The following PLEC variants were observed in gnomAD, a reference collection of about 807,000 sequenced individuals.
The protein encoded by PLEC is hemidesmosomal protein 1.
A neutral mutation model predicts 392.8 loss-of-function variants in PLEC; 216 were observed. The ratio of observed to expected loss-of-function variants is 0.55; its 90% CI spans 0.49 to 0.62. The LOEUF (loss-of-function observed/expected upper bound fraction) is 0.62. PLEC is among the 20% of genes least tolerant of loss of function. The pLI is 0.00. For synonymous variants in PLEC, 3,621 were observed against 2,980.6 expected (o/e 1.21, Z -7.00); for missense variants, 6,863 against 6,563.4 (o/e 1.05, Z -1.58).
chr8:143,935,572 C>G (rs1292151739), intron 6 of PLEC, among the ~76,000 whole-genome samples: 1 of 152,230 alleles, frequency 6.6e-6, no homozygotes, highest in Admixed American at 6.5e-5. Flanking sequence ...CCACCCTCCC[C>G]ACCAGGCCCC....
chr8:143,962,692 T>C (rs145764691), intron 1 of PLEC, among the ~76,000 whole-genome samples: 11 of 152,334 alleles, frequency 7.2e-5, no homozygotes, highest in African/African-American at 1.9e-4. Context: ...GCTTCTCACA[T>C]TGAAGCGAAA....
At chr8:143,971,940 G>A (rs1554744446) in intron 1 of PLEC, among the ~76,000 whole-genome samples, 1 of 152,176 alleles carries the variant, frequency 6.6e-6, no homozygotes, top group African/African-American at 2.4e-5. Flanking sequence ...AACCTCCAGG[G>A]ATCTGTCTGG....
At chr8:143,941,376 C>T (rs1179998678), upstream of PLEC, among the ~76,000 whole-genome samples, 2 of 152,174 alleles carry the variant, frequency 1.3e-5, no homozygotes, top group Non-Finnish European at 2.9e-5. Flanking sequence ...CAGCCTTCTC[C>T]CTGCCACTAA....
rs1554724178 is a variant in PLEC, at chr8:143,937,203, T to C, written c.304A>G (p.Asn102Asp). The change falls in exon 4 of 32, where the codon AAT becomes GAT. Residue 102 changes from asparagine to aspartate, a missense_variant. Coordinates refer to ENST00000345136, the MANE Select transcript of PLEC (RefSeq NM_201384.3). ...AGGTAGTCCAGGGCAATCTGGACAT[T>C]CTGCAGCTTGTGGAAACGCATCCTC... ...KGRMRFHKLQ[N>D]VQIALDYLRH... 6.2e-7 allele frequency: 1 copy of C among 1,612,764 alleles called. No individual in the cohort carries two copies. Among genetic ancestry groups the C allele is most frequent in the South Asian group, 1.1e-5 (1 of 91,074 alleles).
Position 143,973,105 on chromosome 8 carries a change from C to T in PLEC, c.70+298G>A, listed in dbSNP as rs1481255406. ...CCCATGTGTCTGCTGGCCACAGACACCGGATCCTGGCTCAGACAGCCGACC... is the reference window on the plus strand; with the variant it reads ...CCCATGTGTCTGCTGGCCACAGACATCGGATCCTGGCTCAGACAGCCGACC... On this transcript the variant is annotated intron_variant, in intron 1 of 31. Coordinates refer to the PLEC transcript ENST00000356346. The surrounding 1 kb of genome is among the most constrained non-coding windows in gnomAD (Gnocchi z 5.6). Among the ~76,000 whole-genome samples, 1 of 152,170 alleles carries T rather than the reference C, an allele frequency of 6.6e-6. No individual in the cohort carries two copies. The highest frequency in any genetic ancestry group is 2.4e-5 in the African/African-American group (1 of 41,448).
chr8:143,922,762 C>A lies in PLEC; in HGVS notation c.7167G>T (p.Val2389=). 6.2e-7 allele frequency: 1 copy of A among 1,608,188 alleles called. No individual in the cohort carries two copies. Among genetic ancestry groups the A allele is most frequent in the Non-Finnish European group, 8.5e-7 (1 of 1,179,020 alleles). ...SAEAERLKLR[V]AEMSRAQARA... ...GGGCCTGGGCTCGGCTCATCTCGGC[C>A]ACACGCAGCTTGAGGCGCTCAGCCT... Residue 2389 remains valine (V), a synonymous_variant, in exon 31 of 32, where the codon GTG becomes GTT. Coordinates refer to ENST00000345136, the MANE Select transcript of PLEC (RefSeq NM_201384.3).
At chr8:143,928,754 G>C (rs1274521405) in intron 25 of PLEC, among the ~76,000 whole-genome samples, 1 of 152,316 alleles carries the variant, frequency 6.6e-6, no homozygotes, top group African/African-American at 2.4e-5. Flanking sequence ...TCCAGGCCAG[G>C]AACAGGACAG....
chr8:143,944,695 C>A (rs113214127), intron 1 of PLEC: 1 of 1,316,146 alleles, frequency 7.6e-7, no homozygotes, highest in South Asian at 2.7e-5. Context: ...ACGGGGCAGA[C>A]GGAGCGGGCC....
At position 143,950,398 on chromosome 8, in the gene PLEC, G is replaced by C. The variant is rs781796596; in HGVS notation, c.309C>G (p.Pro103=). The change falls in exon 1 of 32, where the codon CCC becomes CCG. Residue 103 remains proline, a synonymous_variant. Transcript: ENST00000322810. Reference sequence around the variant, plus strand: ...GGCGTGCGGGCATCACCATGGCGACGGGGCGGCGCACGCGCTGCAGAGAGG... The same window carrying C: ...GGCGTGCGGGCATCACCATGGCGACCGGGCGGCGCACGCGCTGCAGAGAGG... The C allele has an allele frequency of 2.5e-6, 4 of 1,604,888 alleles. No individual in the cohort carries two copies. The African/African-American group carries it at 5.3e-5, about 21-fold the overall frequency.
In PLEC at chr8:143,938,782, G is replaced by C. The variant is rs1829773441; in HGVS notation, c.113-90C>G. ...CCGTGCAGACACAGCAGCCTGGCTGGCCAGGTCCTGCCTGGGGAGCCCCAA... is the reference window on the plus strand; with the variant it reads ...CCGTGCAGACACAGCAGCCTGGCTGCCCAGGTCCTGCCTGGGGAGCCCCAA... On this transcript the variant is annotated intron_variant, in intron 1 of 31. Coordinates refer to ENST00000345136, the MANE Select transcript of PLEC (RefSeq NM_201384.3). 3 of 1,119,878 alleles carry C rather than the reference G, an allele frequency of 2.7e-6. No individual in the cohort carries two copies. In the Admixed American group the frequency reaches 5.2e-5, roughly 19 times the overall value. The allele number at this position is 1,119,878 out of a possible 1,614,324, so 69.4% of individuals were successfully genotyped here.
chr8:143,942,498 G>T, upstream of PLEC: 1 of 1,580,814 alleles, frequency 6.3e-7, no homozygotes. Flanking sequence ...AGGCAAAGGC[G>T]CCCCCCGCCC....
chr8:143,919,789 C>T lies in PLEC; in HGVS notation c.10032G>A (p.Leu3344=). 1 of 1,612,680 alleles carries T rather than the reference C, an allele frequency of 6.2e-7. No homozygotes were observed. The highest frequency in any genetic ancestry group is 8.5e-7 in the Non-Finnish European group (1 of 1,179,806). The change falls in exon 32 of 32, where the codon CTG becomes CTA. Residue 3344 remains leucine (L), a synonymous_variant. Coordinates refer to ENST00000345136, the MANE Select transcript of PLEC (RefSeq NM_201384.3). ...GKTTVKDLSE[L]GSVRTLLQGS... ...CCTGCAGCAGCGTCCGCACGGAGCC[C>T]AGCTCCGAAAGGTCCTTGACCGTCG...
intron 16 of PLEC, 27 bp from the exon 17 acceptor site, chr8:143,932,261 G>A (rs782527231): frequency 1.2e-6 from 2 of 1,610,608 alleles, no homozygotes; most frequent in South Asian, 2.2e-5. Context: ...GGGTCTCAGG[G>A]ACGGCCGGCC....
chr8:143,927,627 C>G lies in PLEC; in HGVS notation c.3539G>C (p.Arg1180Pro), dbSNP rs782477789. The stretch of plus-strand genomic sequence containing the variant: ...CCAGCGCTCAAGCAACTGGGCGACC[C>G]GCTCCCGCCAGCGCTCCACCTCCAC... ...RDVEVERWRE[R>P]VAQLLERWQA... The change falls in exon 27 of 32, where the codon CGG becomes CCG. Residue 1180 changes from arginine to proline, a missense_variant. By Grantham distance (103) the Arg-to-Pro change is moderately radical. Transcript: ENST00000345136. 4 of 1,584,706 alleles carry G rather than the reference C, an allele frequency of 2.5e-6. No individual in the cohort carries two copies. Among genetic ancestry groups the G allele is most frequent in the Non-Finnish European group, 3.4e-6 (4 of 1,169,990 alleles).
rs903818797 is a variant in PLEC at position 143,929,428 on chromosome 8, T to C, written c.3067A>G (p.Ile1023Val). The change falls in exon 24 of 32, where the codon ATC (isoleucine) becomes GTC (valine). Residue 1023 changes from isoleucine to valine, a missense_variant. Coordinates refer to ENST00000345136, the MANE Select transcript of PLEC (RefSeq NM_201384.3). ...KEPARECAQR[I>V]AEQQKAQAEV... is the part of the protein sequence containing the mutation. ...ACGGCCCCTGCCTGCTGCTCGGCGATGCGCTGGGCACACTCCCGTGCCGGC... is the reference window on the plus strand; with the variant it reads ...ACGGCCCCTGCCTGCTGCTCGGCGACGCGCTGGGCACACTCCCGTGCCGGC... 5.1e-6 allele frequency: 8 copies of C among 1,570,266 alleles called. No homozygotes were observed. The African/African-American group carries it at 8.1e-5, about 16-fold the overall frequency.
chr8:143,951,189 A>G (rs1471141742), upstream of PLEC, among the ~76,000 whole-genome samples: 1 of 152,078 alleles, frequency 6.6e-6, no homozygotes, highest in African/African-American at 2.4e-5. Flanking sequence ...CCAAGAGTCT[A>G]AAGAAGAGGG....
At chr8:143,940,790 A>G (rs888599497), upstream of PLEC, among the ~76,000 whole-genome samples, 76 of 152,136 alleles carry the variant, frequency 5.0e-4, no homozygotes, top group African/African-American at 1.7e-3. Flanking sequence ...GGGTGCCCAA[A>G]CCCCTCAGAG....
rs782488286 is a variant in PLEC at position 143,920,131 on chromosome 8, G to A, written c.9690C>T (p.Ala3230=). The change falls in exon 32 of 32, where the codon GCC becomes GCT. Residue 3230 remains alanine, a synonymous_variant. Transcript: ENST00000345136. The part of the protein sequence containing the change: ...RQEELYSELQ[A]RETFEKTPVE... ...CCGGGGTCTTTTCAAAGGTCTCACG[G>A]GCCTGCAGCTCTGAGTAGAGCTCCT... 1.7e-5 allele frequency: 28 copies of A among 1,612,738 alleles called. No individual in the cohort carries two copies. Among genetic ancestry groups the A allele is most frequent in the Non-Finnish European group, 2.3e-5 (27 of 1,180,034 alleles).
At chr8:143,950,383 C>T (rs1554735430) in exon 1 of PLEC, 1 of 1,599,978 alleles carries the variant, frequency 6.3e-7, no homozygotes, top group Non-Finnish European at 8.5e-7. Flanking sequence ...GGCGTGCGGG[C>T]ATCACCATGG....
Sources: allele counts gnomAD v4.1 joint callset (sites outside exome capture counted in the v4.1 genomes callset), GRCh38; gene constraint gnomAD v4.1.1; non-coding constraint Gnocchi (gnomAD v3.1); transcripts MANE v1.5; gene names NCBI Gene and HGNC (gene_info 2026-07-23, HGNC 2026-07-21).